Variants in IQCJ observed in about 807,000 individuals in gnomAD.
IQCJ encodes IQ domain-containing protein J.
A neutral mutation model predicts 11.0 loss-of-function variants in IQCJ; 9 were observed. The observed-to-expected ratio is 0.82, with a 90% confidence interval of 0.49 to 1.43. IQCJ has a LOEUF of 1.43. Among genes scored for constraint, IQCJ ranks in the 40% most tolerant of loss-of-function variants. IQCJ has a pLI of 0.00. For missense variants in IQCJ, 146 were observed against 133.2 expected (o/e 1.10, Z -0.47); for synonymous variants, 55 against 51.3 (o/e 1.07, Z -0.31).
At chr3:159,072,651 T>C (rs555445236) in intron 1 of IQCJ, among the ~76,000 whole-genome samples, 50 of 152,144 alleles carry the variant, frequency 3.3e-4, no homozygotes, top group Non-Finnish European at 6.2e-4. Flanking sequence ...AATTCATATT[T>C]ATTGAGTATT....
intron 2 of IQCJ, among the ~76,000 whole-genome samples, chr3:159,249,451 T>A (rs1727467450): frequency 6.6e-6 from 1 of 152,156 alleles, no homozygotes; most frequent in Non-Finnish European, 1.5e-5. Flanking sequence ...ATTAAATACT[T>A]CCTTCAAAGC....
At chr3:159,128,698 C>T (rs1719818783) in intron 1 of IQCJ, among the ~76,000 whole-genome samples, 7 of 152,124 alleles carry the variant, frequency 4.6e-5, no homozygotes, top group Admixed American at 1.3e-4. Flanking sequence ...CCAGATTAGT[C>T]TCCCTAAAGA....
At chr3:159,136,005 C>A (rs1303422897) in intron 1 of IQCJ, among the ~76,000 whole-genome samples, 1 of 152,154 alleles carries the variant, frequency 6.6e-6, no homozygotes, top group Non-Finnish European at 1.5e-5. Flanking sequence ...CTGTCACTAT[C>A]CTCACTTACA....
chr3:159,241,398 C>T (rs1022690278), intron 1 of IQCJ, among the ~76,000 whole-genome samples: 3 of 151,676 alleles, frequency 2.0e-5, no homozygotes, highest in African/African-American at 7.3e-5. Context: ...GACAGAGTGA[C>T]ACTCTGTCTC....
At chr3:159,091,609 C>T (rs941592224) in intron 1 of IQCJ, among the ~76,000 whole-genome samples, 2 of 149,730 alleles carry the variant, frequency 1.3e-5, no homozygotes, top group African/African-American at 5.0e-5. Flanking sequence ...TCTGCAGTGT[C>T]AGAAATCAAG....
downstream of IQCJ, chr3:159,265,804 C>T: frequency 6.3e-6 from 1 of 158,504 alleles, no homozygotes; most frequent in Non-Finnish European, 1.4e-5. Flanking sequence ...TGCTCTGCAG[C>T]CCCACGCCCA....
At chr3:159,246,093 A>G (rs2621296) in intron 2 of IQCJ, among the ~76,000 whole-genome samples, 186 bp downstream of exon 2, 2 of 151,408 alleles carry the variant, frequency 1.3e-5, no homozygotes, top group Admixed American at 1.3e-4. Context: ...AGCAATGAAA[A>G]ACAAGCTCTA....
intron 1 of IQCJ, among the ~76,000 whole-genome samples, chr3:159,108,023 AAAG>A (rs1718381603): frequency 6.6e-6 from 1 of 150,984 alleles, no homozygotes; most frequent in African/African-American, 2.4e-5. Context: ...AAAAAAAAAA[AAAG>A]AAAAAAAATT....
chr3:159,253,428 A>G (rs943151530), intron 3 of IQCJ, among the ~76,000 whole-genome samples: 12 of 152,198 alleles, frequency 7.9e-5, no homozygotes, highest in African/African-American at 2.4e-4. Context: ...AGAACAAAAT[A>G]TTAACCTTCT....
At chr3:159,110,198 T>C (rs1324664194) in intron 1 of IQCJ, among the ~76,000 whole-genome samples, 1 of 152,166 alleles carries the variant, frequency 6.6e-6, no homozygotes, top group Admixed American at 6.5e-5. Context: ...TATAGGATCT[T>C]GGGCAGATTA....
chr3:159,158,970 G>A (rs1478333522), intron 1 of IQCJ, among the ~76,000 whole-genome samples: 3 of 152,176 alleles, frequency 2.0e-5, no homozygotes, highest in African/African-American at 7.2e-5. Context: ...AGGCCCAGTA[G>A]GCCACACAGA....
At chr3:159,222,575 T>C (rs2108122174) in intron 1 of IQCJ, among the ~76,000 whole-genome samples, 1 of 152,268 alleles carries the variant, frequency 6.6e-6, no homozygotes, top group Non-Finnish European at 1.5e-5. Context: ...GATCAAAGGT[T>C]ACAAACTTGC....
At chr3:159,105,655 A>G (rs1718210200) in intron 1 of IQCJ, among the ~76,000 whole-genome samples, 1 of 152,200 alleles carries the variant, frequency 6.6e-6, no homozygotes, top group Non-Finnish European at 1.5e-5. Context: ...CAGCCATGAA[A>G]AAATCCAAGG....
chr3:159,166,679 C>T (rs1722182841), intron 1 of IQCJ, among the ~76,000 whole-genome samples: 1 of 152,116 alleles, frequency 6.6e-6, no homozygotes, highest in African/African-American at 2.4e-5. Flanking sequence ...ATCAGATTTT[C>T]TTCTGTGTGG....
At position 159,259,265 on chromosome 3, in the gene IQCJ, C is replaced by CAA. The variant is rs1311496161; in HGVS notation, c.156-3279_156-3278dup. 2.0e-5 allele frequency among the ~76,000 whole-genome samples: 3 copies of CAA among 149,980 alleles called. No homozygotes were observed. The East Asian group carries it at 5.8e-4, about 29-fold the overall frequency. The stretch of plus-strand genomic sequence containing the variant: ...AGAAGATACACAGGAACTGACCTAG[C>CAA]AAAAAGAAAAATTGTTGAAAATGTA... On this transcript the variant is annotated intron_variant, in intron 3 of 3. Coordinates refer to ENST00000397832, the MANE Select transcript of IQCJ (RefSeq NM_001042706.3).
chr3:159,094,377 G>A (rs771276351), intron 1 of IQCJ, among the ~76,000 whole-genome samples: 1 of 147,370 alleles, frequency 6.8e-6, no homozygotes, highest in Non-Finnish European at 1.5e-5. Context: ...TGGTCTTCAG[G>A]ATCTTTTTTG....
chr3:159,090,553 A>T (rs1473385350), intron 1 of IQCJ, among the ~76,000 whole-genome samples: 3 of 151,648 alleles, frequency 2.0e-5, no homozygotes, highest in African/African-American at 7.3e-5. Flanking sequence ...GGACCATGGG[A>T]GGGAAGTCAG....
chr3:159,191,242 C>T (rs928562210), intron 1 of IQCJ, among the ~76,000 whole-genome samples: 2 of 152,132 alleles, frequency 1.3e-5, no homozygotes, highest in South Asian at 2.1e-4. Context: ...CTTCTCTAGG[C>T]TCAGGTTGGA....
chr3:159,114,783 C>T (rs563115787), intron 1 of IQCJ, among the ~76,000 whole-genome samples: 89 of 152,276 alleles, frequency 5.8e-4, no homozygotes, highest in Middle Eastern at 3.4e-3. Context: ...TTCCAAACTG[C>T]CAAAACAATA....
Sources: gnomAD v4.1 joint callset for allele counts (sites outside exome capture counted in the v4.1 genomes callset) on GRCh38, gnomAD v4.1.1 for gene constraint, MANE v1.5 for transcripts, NCBI Gene and HGNC (gene_info 2026-07-23, HGNC 2026-07-21) for gene names.